ADGRG4: variants seen among roughly 807,000 people sequenced by gnomAD.
ADGRG4 encodes adhesion G protein-coupled receptor G4, also known as G protein-coupled receptor 112.
A neutral mutation model predicts 126.2 loss-of-function variants in ADGRG4; 122 were observed. That is an observed-to-expected ratio of 0.97 (90% confidence interval 0.83 to 1.12). ADGRG4 has a LOEUF of 1.12. Ranked by LOEUF, ADGRG4 falls within the 50% of genes most tolerant of loss-of-function variation. ADGRG4 has a pLI of 0.00. For missense variants in ADGRG4, 2,481 were observed against 2,251.8 expected, an observed-to-expected ratio of 1.10 and a Z score of -2.06; for synonymous variants, 943 against 838.7, an observed-to-expected ratio of 1.12 and a Z score of -2.15.
At chrX:136,321,338 G>C (rs1181573378) in intron 4 of ADGRG4, among the ~76,000 whole-genome samples, 1 of 111,788 alleles carries the variant, frequency 8.9e-6, no homozygotes, top group Non-Finnish European at 1.9e-5. Context: ...GAGTGTGTGT[G>C]GGGGGCAGGC....
rs377282998 is a variant in ADGRG4 at position 136,327,557 on chromosome X, A to G, written c.685+4165A>G. 2.7e-5 allele frequency among the ~76,000 whole-genome samples: 3 copies of G among 109,952 alleles called. No individual in the cohort carries two copies. In the East Asian group the frequency reaches 8.4e-4, roughly 31 times the overall value. ...TTAATACTATCATGGACAGACACATAGGTATATTTAGATCTGTTTTTAGGG... is the reference window on the plus strand; with the variant it reads ...TTAATACTATCATGGACAGACACATGGGTATATTTAGATCTGTTTTTAGGG... On this transcript the variant is annotated intron_variant, in intron 5 of 25. Coordinates refer to ENST00000394143, the MANE Select transcript of ADGRG4 (RefSeq NM_153834.4).
At position 136,347,054 on chromosome X, in the gene ADGRG4, C is replaced by T. The variant is rs2075022392; in HGVS notation, c.3348C>T (p.Leu1116=). ...LTETPFHSLR[L]STPVTAKAET... ...AAACACCATTTCATTCACTGAGACT[C>T]TCCACTCCTGTGACAGCTAAGGCTG... The change falls in exon 6 of 26, where the codon CTC becomes CTT. Residue 1116 remains leucine (L), a synonymous_variant. Transcript: ENST00000394143. 1 of 1,209,078 alleles carries T rather than the reference C, an allele frequency of 8.3e-7. No individual in the cohort carries two copies. The highest frequency in any genetic ancestry group is 1.8e-5 in the African/African-American group (1 of 57,037).
At chrX:136,324,576 C>A (rs944732511) in intron 5 of ADGRG4, among the ~76,000 whole-genome samples, 6 of 111,275 alleles carry the variant, frequency 5.4e-5, no homozygotes, top group African/African-American at 2.0e-4. Flanking sequence ...CACACCCAAC[C>A]TTATTTATGT....
At chrX:136,366,128 G>T (rs188844598) in intron 13 of ADGRG4, among the ~76,000 whole-genome samples, 1 of 111,927 alleles carries the variant, frequency 8.9e-6, no homozygotes, top group African/African-American at 3.2e-5. Context: ...ACACGAATCC[G>T]CCATTACAGT....
chrX:136,373,273 C>T (rs1014041326), intron 15 of ADGRG4, among the ~76,000 whole-genome samples: 2 of 112,161 alleles, frequency 1.8e-5, no homozygotes, highest in African/African-American at 6.5e-5. Flanking sequence ...AATGATACCA[C>T]CTTTGGCCCT....
intron 4 of ADGRG4, among the ~76,000 whole-genome samples, chrX:136,314,954 A>T (rs1184821824): frequency 9.0e-6 from 1 of 111,659 alleles, no homozygotes; most frequent in Non-Finnish European, 1.9e-5. Flanking sequence ...AAATCACATG[A>T]CCTATGTGAG....
At chrX:136,367,921 A>G (rs1474058621) in intron 13 of ADGRG4, among the ~76,000 whole-genome samples, 1 of 111,937 alleles carries the variant, frequency 8.9e-6, no homozygotes, top group Non-Finnish European at 1.9e-5. Flanking sequence ...TCTGTGCTCA[A>G]TGTTTGTTAC....
chrX:136,367,605 T>A (rs2075167498), intron 13 of ADGRG4, among the ~76,000 whole-genome samples: 1 of 112,237 alleles, frequency 8.9e-6, no homozygotes, highest in South Asian at 3.7e-4. Context: ...AAGGAACAGT[T>A]GGATGATGAT....
intron 4 of ADGRG4, among the ~76,000 whole-genome samples, chrX:136,314,338 G>C (rs1236088165): frequency 9.0e-6 from 1 of 111,516 alleles, no homozygotes; most frequent in Non-Finnish European, 1.9e-5. Context: ...TCTTTAATGA[G>C]ACCTAAAAAG....
At chrX:136,326,433 A>T (rs1302693221) in intron 5 of ADGRG4, among the ~76,000 whole-genome samples, 1 of 112,403 alleles carries the variant, frequency 8.9e-6, no homozygotes, top group Non-Finnish European at 1.9e-5. Flanking sequence ...CACCAATCAA[A>T]TAAGTAGTGT....
At position 136,403,313 on chromosome X, in the gene ADGRG4, C is replaced by A; in HGVS notation, c.8645C>A (p.Thr2882Lys). ...KKDLYGTLSP[T>K]TPFCWIKDDS... ...GATCTGTATGGAACTCTGAGCCCAA[C>A]AACTCCGTTGTAAGTACCAGCATCT... The change falls in exon 22 of 26, where the codon ACA becomes AAA. Residue 2882 changes from threonine to lysine, a missense_variant. Physicochemically the swap from Thr to Lys is moderately conservative, Grantham distance 78 (BLOSUM62 -1). Transcript: ENST00000394143. The A allele has an allele frequency of 8.3e-7, 1 of 1,198,220 alleles. No homozygotes were observed. The highest frequency in any genetic ancestry group is 1.1e-6 in the Non-Finnish European group (1 of 883,246).
At chrX:136,331,962 G>A (rs1266628159) in intron 5 of ADGRG4, among the ~76,000 whole-genome samples, 6 of 107,392 alleles carry the variant, frequency 5.6e-5, no homozygotes, top group Non-Finnish European at 9.6e-5. Context: ...GACTACAGGC[G>A]CCCACCAACA....
chrX:136,413,958 C>A (rs2075462168), intron 24 of ADGRG4, among the ~76,000 whole-genome samples: 1 of 110,783 alleles, frequency 9.0e-6, no homozygotes, highest in Non-Finnish European at 1.9e-5. Flanking sequence ...TCAGGCTGGT[C>A]TTGAACTCCC....
At chrX:136,339,707 A>G (rs2074968451) in intron 5 of ADGRG4, among the ~76,000 whole-genome samples, 1 of 112,282 alleles carries the variant, frequency 8.9e-6, no homozygotes, top group Non-Finnish European at 1.9e-5. Context: ...TTTTATTCTT[A>G]GCACCTTTCA....
chrX:136,361,588 G>A lies in ADGRG4; in HGVS notation c.7277+1G>A. ...AGGATGGAAATGCCACAAGATTCTG[G>A]TATGTACAGGCCAAGTTCTAATTGC... On this transcript the variant is annotated splice_donor_variant, in intron 12 of 25. Coordinates refer to ENST00000394143, the MANE Select transcript of ADGRG4 (RefSeq NM_153834.4). LOFTEE classifies it high-confidence loss of function. 8.6e-7 allele frequency: 1 copy of A among 1,163,189 alleles called. No individual in the cohort carries two copies. The highest frequency in any genetic ancestry group is 1.2e-6 in the Non-Finnish European group (1 of 867,096).
In ADGRG4 at chrX:136,414,205, G is replaced by A. The variant is rs371979123; in HGVS notation, c.9083G>A (p.Gly3028Glu). Residue 3028 changes from glycine (G) to glutamate (E), a missense_variant, in exon 25 of 26, where the codon GGA (glycine) becomes GAA (glutamate). Physicochemically the swap from Gly to Glu is moderately conservative, Grantham distance 98. Transcript: ENST00000394143. ...ATAAAGGTTGGATATAAACAGGAGGGACTAAAGAAAATCTTTGAGCACAAA... is the reference window on the plus strand; with the variant it reads ...ATAAAGGTTGGATATAAACAGGAGGAACTAAAGAAAATCTTTGAGCACAAA... ...CQIKVGYKQE[G>E]LKKIFEHKLL... 14 of 1,206,197 alleles carry A rather than the reference G, an allele frequency of 1.2e-5. No individual in the cohort carries two copies. Among genetic ancestry groups the A allele is most frequent in the East Asian group, 3.0e-5 (1 of 33,804 alleles).
At chrX:136,381,762 C>A (rs1003049040) in intron 15 of ADGRG4, among the ~76,000 whole-genome samples, 3 of 110,672 alleles carry the variant, frequency 2.7e-5, no homozygotes, top group African/African-American at 9.9e-5. Flanking sequence ...CACAAGGTCC[C>A]ACAATAGGCT....
intron 3 of ADGRG4, among the ~76,000 whole-genome samples, chrX:136,305,654 A>G (rs1170128602): frequency 5.3e-5 from 6 of 112,477 alleles, no homozygotes; most frequent in Admixed American, 4.7e-4. Flanking sequence ...CAGATGGAGT[A>G]AGATGTGAAT....
chrX:136,404,189 T>G (rs146621185), intron 22 of ADGRG4, among the ~76,000 whole-genome samples: 55 of 111,506 alleles, frequency 4.9e-4, no homozygotes, highest in African/African-American at 1.6e-3. Flanking sequence ...GCTTTCTAAT[T>G]AAAATTCCTT....
Sources: allele counts gnomAD v4.1 joint callset (sites outside exome capture counted in the v4.1 genomes callset), GRCh38; gene constraint gnomAD v4.1.1; transcripts MANE v1.5; gene names NCBI Gene and HGNC (gene_info 2026-07-23, HGNC 2026-07-21).